The following ROPN1 variants were observed in gnomAD, a reference collection of about 807,000 sequenced individuals.
ROPN1 encodes the protein ropporin-1A.
Under a neutral mutation model 20.5 loss-of-function variants are expected in ROPN1, and 14 were observed. That is an observed-to-expected ratio of 0.68 (90% CI 0.45 to 1.07). The LOEUF is 1.07. Ranked by LOEUF, ROPN1 falls within the 50% of genes least tolerant of loss-of-function variation. The pLI is 0.00. For synonymous variants in ROPN1, 76 were observed against 95.7 expected (o/e 0.79, Z 1.20); for missense variants, 169 against 242.8 (o/e 0.70, Z 2.02).
At chr3:123,987,519 A>G (rs1398267311) in intron 1 of ROPN1, among the ~76,000 whole-genome samples, 2 of 152,226 alleles carry the variant, frequency 1.3e-5, no homozygotes, top group Non-Finnish European at 2.9e-5. Flanking sequence ...ATGTTTTTAC[A>G]TAACTCTGAA....
Position 123,976,865 on chromosome 3 carries a change from T to C in ROPN1, c.233A>G (p.Gln78Arg), listed in dbSNP as rs754347554. The C allele has an allele frequency of 2.2e-5, 35 of 1,610,326 alleles. No individual in the cohort carries two copies. The highest frequency in any genetic ancestry group is 2.8e-5 in the Non-Finnish European group (33 of 1,176,834). Reference sequence around the variant, plus strand: ...TCAATGCTGCAGCAGGGCCCTTACCTGAGAATGCAGGATCTTTAACAGCTC... The same window carrying C: ...TCAATGCTGCAGCAGGGCCCTTACCCGAGAATGCAGGATCTTTAACAGCTC... ...TPELLKILHS[Q>R]VAGRLIIRAE... The change falls in exon 3 of 6, where the codon CAG (glutamine) becomes CGG (arginine). Residue 78 changes from glutamine to arginine, a missense_variant and splice_region_variant. Transcript: ENST00000405845.
At chr3:123,988,511 T>C (rs2038321916) in intron 1 of ROPN1, among the ~76,000 whole-genome samples, 1 of 152,212 alleles carries the variant, frequency 6.6e-6, no homozygotes, top group South Asian at 2.1e-4. Context: ...GGGCTATGTT[T>C]CTCTTCAGTT....
Position 123,976,903 on chromosome 3 carries a change from T to C in ROPN1, c.195A>G (p.Ala65=), listed in dbSNP as rs1462610154. ...RSERVALCNR[A]ELTPELLKIL... ...TCTTTAACAGCTCAGGTGTTAGCTCTGCCCGGTTACACAAAGCGACTCGCT... is the reference window on the plus strand; with the variant it reads ...TCTTTAACAGCTCAGGTGTTAGCTCCGCCCGGTTACACAAAGCGACTCGCT... The change falls in exon 3 of 6, where the codon GCA becomes GCG. Residue 65 remains alanine, a synonymous_variant. Transcript: ENST00000405845. The C allele has an allele frequency of 6.2e-7, 1 of 1,600,704 alleles. No homozygotes were observed. Among genetic ancestry groups the C allele is most frequent in the Non-Finnish European group, 8.5e-7 (1 of 1,173,312 alleles).
chr3:123,971,787 C>T lies in ROPN1; in HGVS notation c.397-1570G>A, dbSNP rs555569030. Among the ~76,000 whole-genome samples the T allele has an allele frequency of 9.2e-5, 14 of 152,272 alleles. No individual in the cohort carries two copies. The South Asian group carries it at 2.9e-3, about 32-fold the overall frequency. Reference sequence around the variant, plus strand: ...AAAACAACCCTCTGCACCCCTAATGCTTTGTTCTGTTGCCCTCTCCCATGG... The same window carrying T: ...AAAACAACCCTCTGCACCCCTAATGTTTTGTTCTGTTGCCCTCTCCCATGG... On this transcript the variant is annotated intron_variant, in intron 4 of 5. Coordinates refer to ENST00000405845, the MANE Select transcript of ROPN1 (RefSeq NM_001317774.2).
chr3:123,973,934 G>A (rs1559821806), intron 4 of ROPN1, among the ~76,000 whole-genome samples: 1 of 152,218 alleles, frequency 6.6e-6, no homozygotes, highest in Non-Finnish European at 1.5e-5. Context: ...TAAGGGATGT[G>A]AGAAACCCTT....
intron 1 of ROPN1, chr3:123,980,770 C>T: frequency 3.1e-6 from 1 of 323,094 alleles, no homozygotes; most frequent in Admixed American, 4.4e-5. Context: ...GATATCGCCC[C>T]AAAATAATGA....
At position 123,980,326 on chromosome 3, in the gene ROPN1, G is replaced by C. The variant is rs767801402; in HGVS notation, c.116+40C>G. On this transcript the variant is annotated intron_variant, in intron 2 of 5. Coordinates refer to ENST00000405845, the MANE Select transcript of ROPN1 (RefSeq NM_001317774.2). ...GGTTTTACAGGACCCTCTGTCTCCG[G>C]CCGTCCTCCAAGGGGTGAAGGCGAG... The C allele has an allele frequency of 1.4e-5, 22 of 1,603,494 alleles. No homozygotes were observed. In the Middle Eastern group the frequency reaches 5.0e-4, roughly 36 times the overall value.
At chr3:123,978,395 A>G (rs539107169) in intron 2 of ROPN1, among the ~76,000 whole-genome samples, 25 of 152,324 alleles carry the variant, frequency 1.6e-4, no homozygotes, top group South Asian at 4.1e-4. Context: ...AGTGCTGCCC[A>G]GGTAGAGTAA....
rs555549273 is a variant in ROPN1, at chr3:123,987,321, T to C, written c.-13+4601A>G. 2.0e-5 allele frequency among the ~76,000 whole-genome samples: 3 copies of C among 152,326 alleles called. No individual in the cohort carries two copies. The South Asian group carries it at 6.2e-4, about 32-fold the overall frequency. Reference sequence around the variant, plus strand: ...AAATGAGCTTCAGTGTATGGTAGCCTGTATGGGGTTCCCAGCTTTCTCCCC... The same window carrying C: ...AAATGAGCTTCAGTGTATGGTAGCCCGTATGGGGTTCCCAGCTTTCTCCCC... On this transcript the variant is annotated intron_variant, in intron 1 of 5. Transcript: ENST00000405845.
chr3:123,986,688 C>T (rs901531449), intron 1 of ROPN1, among the ~76,000 whole-genome samples: 12 of 152,116 alleles, frequency 7.9e-5, no homozygotes, highest in Non-Finnish European at 1.5e-4. Context: ...TGTGTGCTGG[C>T]GGGGCAAGTA....
intron 5 of ROPN1, 112 bp downstream of exon 5, chr3:123,969,930 C>A (rs1192158124): frequency 7.1e-5 from 74 of 1,042,270 alleles, no homozygotes; most frequent in Non-Finnish European, 9.7e-5. Flanking sequence ...TCATGTTTCT[C>A]ACAATACTTT....
intron 5 of ROPN1, 57 bp downstream of exon 5, chr3:123,969,985 C>A: frequency 6.4e-7 from 1 of 1,554,762 alleles, no homozygotes; most frequent in South Asian, 1.1e-5. Flanking sequence ...CTATCTTGGC[C>A]AGCTAGATTT....
At chr3:123,979,278 C>T (rs569619598) in intron 2 of ROPN1, 1 of 354,150 alleles carries the variant, frequency 2.8e-6, no homozygotes, top group African/African-American at 2.1e-5. Context: ...TGTGTCTTCT[C>T]AAAGGTGTCC....
intron 1 of ROPN1, among the ~76,000 whole-genome samples, chr3:123,987,346 C>G (rs572551503): frequency 6.6e-6 from 1 of 152,194 alleles, no homozygotes; most frequent in African/African-American, 2.4e-5. Flanking sequence ...GCTTTCTCCC[C>G]CTTCAGCCAA....
intron 3 of ROPN1, among the ~76,000 whole-genome samples, chr3:123,976,061 A>C (rs976843360): frequency 5.3e-5 from 8 of 152,164 alleles, no homozygotes; most frequent in South Asian, 2.1e-4. Flanking sequence ...TTTGGTCTGG[A>C]TGCCTAATGT....
Position 123,970,312 on chromosome 3 carries a change from C to A in ROPN1, c.397-95G>T, listed in dbSNP as rs1486472602. On this transcript the variant is annotated intron_variant, in intron 4 of 5. Coordinates refer to ENST00000405845, the MANE Select transcript of ROPN1 (RefSeq NM_001317774.2). ...CAAGAAAGAAAACAAAAATATTGCT[C>A]TTATAAAATGAAGTGGGAACAATTT... 4 of 1,115,726 alleles carry A rather than the reference C, an allele frequency of 3.6e-6. No homozygotes were observed. In the African/African-American group the frequency reaches 6.4e-5, roughly 18 times the overall value. The allele number at this position is 1,115,726 out of a possible 1,614,324, so 69.1% of individuals were successfully genotyped here.
rs755744312 is a variant in ROPN1, at chr3:123,969,083, G to T, written c.*72C>A. ...TGTACAAGAAAATTGATTTTGGGTGGTATATGGGTTTCAGTCATTCTGAAG... is the reference window on the plus strand; with the variant it reads ...TGTACAAGAAAATTGATTTTGGGTGTTATATGGGTTTCAGTCATTCTGAAG... On this transcript the variant is annotated 3_prime_UTR_variant, in exon 6 of 6. Transcript: ENST00000405845. 1 of 1,207,556 alleles carries T rather than the reference G, an allele frequency of 8.3e-7. No individual in the cohort carries two copies. Among genetic ancestry groups the T allele is most frequent in the Non-Finnish European group, 1.2e-6 (1 of 810,274 alleles). The allele number at this position is 1,207,556 out of a possible 1,614,324, so 74.8% of individuals were successfully genotyped here.
intron 2 of ROPN1, chr3:123,979,730 T>C (rs1198774380): frequency 1.8e-5 from 7 of 387,946 alleles, no homozygotes; most frequent in South Asian, 1.2e-4. Flanking sequence ...CAGAATGCAG[T>C]GTGTACTGTG....
chr3:123,990,459 C>T (rs1317896570), intron 1 of ROPN1, among the ~76,000 whole-genome samples: 3 of 152,064 alleles, frequency 2.0e-5, no homozygotes, highest in Non-Finnish European at 4.4e-5. Context: ...TCAAATTATC[C>T]CCCCATGTTC....
Sources: allele counts gnomAD v4.1 joint callset (sites outside exome capture counted in the v4.1 genomes callset), GRCh38; gene constraint gnomAD v4.1.1; transcripts MANE v1.5; gene names NCBI Gene and HGNC (gene_info 2026-07-23, HGNC 2026-07-21).